Variants in CCDC73 observed in about 807,000 individuals in gnomAD.
The protein encoded by CCDC73 is coiled-coil domain-containing protein 73.
Under a neutral mutation model 116.5 loss-of-function variants are expected in CCDC73, and 95 were observed. The ratio of observed to expected loss-of-function variants is 0.82; its 90% CI spans 0.69 to 0.97. CCDC73 has a LOEUF of 0.97. Ranked by LOEUF, CCDC73 falls within the 50% of genes least tolerant of loss-of-function variation. The pLI is 0.00. For missense variants in CCDC73, 1,066 were observed against 1,206.8 expected (o/e 0.88, Z 1.73); for synonymous variants, 398 against 401.3 (o/e 0.99, Z 0.10).
At chr11:32,764,360 AGT>A (rs1220610581) in intron 1 of CCDC73, among the ~76,000 whole-genome samples, 22 of 152,350 alleles carry the variant, frequency 1.4e-4, no homozygotes, top group South Asian at 1.0e-3. Context: ...GGGCAGCCAG[AGT>A]AAAACGTCGG....
At chr11:32,756,682 A>T (rs1045093077) in intron 2 of CCDC73, among the ~76,000 whole-genome samples, 14 of 151,910 alleles carry the variant, frequency 9.2e-5, no homozygotes, top group African/African-American at 3.4e-4. Flanking sequence ...TCCGAACGAT[A>T]CAAGGACCTA....
the CCDC73 span, among the ~76,000 whole-genome samples, chr11:32,801,056 A>G: frequency 4.6e-5 from 7 of 152,314 alleles, no homozygotes; most frequent in African/African-American, 1.4e-4. Context: ...CTCCATCCTC[A>G]TATAGGCAGC....
chr11:32,783,841 G>A (rs1189173474), intron 1 of CCDC73, among the ~76,000 whole-genome samples: 2 of 152,168 alleles, frequency 1.3e-5, no homozygotes, highest in East Asian at 3.9e-4. Context: ...AGGAACCCTA[G>A]CACGGTGGAG....
chr11:32,686,157 T>C (rs114858618), intron 6 of CCDC73, among the ~76,000 whole-genome samples: 1,814 of 127,242 alleles, frequency 0.014, 49 homozygotes, highest in African/African-American at 0.052. Flanking sequence ...AGGGTGTTAG[T>C]AGTGGATGAA....
intron 9 of CCDC73, among the ~76,000 whole-genome samples, chr11:32,659,033 A>C (rs1247717134): frequency 6.6e-6 from 1 of 152,226 alleles, no homozygotes; most frequent in African/African-American, 2.4e-5. Flanking sequence ...TCAAAAGCTA[A>C]AAAAATACAA....
intron 12 of CCDC73, 32 bp from the exon 13 acceptor site, chr11:32,642,114 CAATACCACATT>C (rs1271857915): frequency 6.7e-7 from 1 of 1,499,428 alleles, no homozygotes; most frequent in East Asian, 2.5e-5. Flanking sequence ...AAAAAATAAT[CAATACCACATT>C]AATGAATTCT....
intron 14 of CCDC73, among the ~76,000 whole-genome samples, chr11:32,621,392 C>A (rs192958561): frequency 6.6e-6 from 1 of 152,002 alleles, no homozygotes; most frequent in Non-Finnish European, 1.5e-5. Flanking sequence ...ACCTGATCTT[C>A]GACAAACCTG....
chr11:32,652,481 C>G (rs757509575), intron 12 of CCDC73, among the ~76,000 whole-genome samples: 7 of 152,166 alleles, frequency 4.6e-5, no homozygotes, highest in Non-Finnish European at 7.4e-5. Flanking sequence ...GCAGTCTCCC[C>G]TTCTTGTATC....
rs189136305 is a variant in CCDC73 at position 32,635,835 on chromosome 11, T to C, written c.1051-5A>G. ...TTCTCCATTAAGTTCTTCAGCCTAT[T>C]ATAAAAAAGGAACCAGAATAAACAA... is the stretch of plus-strand genomic sequence containing the variant. On this transcript the variant is annotated splice_polypyrimidine_tract_variant and splice_region_variant and intron_variant, in intron 13 of 17. Coordinates refer to ENST00000335185, the MANE Select transcript of CCDC73 (RefSeq NM_001008391.4). The C allele has an allele frequency of 4.9e-5, 56 of 1,137,360 alleles. No individual in the cohort carries two copies. In the African/African-American group the frequency reaches 8.2e-4, roughly 17 times the overall value. 70.5% of individuals were successfully genotyped at this position (1,137,360 alleles called of 1,614,324 possible).
intron 7 of CCDC73, chr11:32,681,387 T>C (rs1433682255): frequency 6.6e-6 from 1 of 152,000 alleles, no homozygotes; most frequent in African/African-American, 2.4e-5. Context: ...CTCTCACATG[T>C]TTTTATTGCA....
In CCDC73 at chr11:32,720,097, A is replaced by G. The variant is rs578146709; in HGVS notation, c.136-1950T>C. 2.0e-5 allele frequency among the ~76,000 whole-genome samples: 3 copies of G among 152,278 alleles called. No homozygotes were observed. In the South Asian group the frequency reaches 6.2e-4, roughly 32 times the overall value. On this transcript the variant is annotated intron_variant, in intron 2 of 17. Transcript: ENST00000335185. ...CCAATACCAAAGACAGCACAAAGGG[A>G]ATACTCTGACCAATACTTCTCACAA... is the stretch of plus-strand genomic sequence containing the variant.
the CCDC73 span, among the ~76,000 whole-genome samples, chr11:32,824,335 A>G: frequency 6.6e-6 from 1 of 152,294 alleles, no homozygotes; most frequent in African/African-American, 2.4e-5. Flanking sequence ...TATATGATTG[A>G]TTGCCTTTTA....
chr11:32,608,970 ACACAG>A (rs1328741662), intron 17 of CCDC73, among the ~76,000 whole-genome samples: 1 of 152,156 alleles, frequency 6.6e-6, no homozygotes, highest in African/African-American at 2.4e-5. Context: ...CCTAAGCTGC[ACACAG>A]CACGGGGACC....
chr11:32,654,726 C>T (rs2133262896), intron 10 of CCDC73, 118 bp downstream of exon 10: 2 of 735,902 alleles, frequency 2.7e-6, no homozygotes, highest in South Asian at 2.4e-5. Flanking sequence ...ATTAATAATA[C>T]CTTTAACTAT....
At chr11:32,759,465 G>A (rs1379525445) in intron 2 of CCDC73, among the ~76,000 whole-genome samples, 1 of 151,588 alleles carries the variant, frequency 6.6e-6, no homozygotes, top group Non-Finnish European at 1.5e-5. Flanking sequence ...TGAGCAGCTG[G>A]GACTACAAGC....
intron 3 of CCDC73, among the ~76,000 whole-genome samples, chr11:32,709,299 T>G (rs966499535): frequency 6.7e-5 from 9 of 134,294 alleles, no homozygotes; most frequent in Admixed American, 2.4e-4. Flanking sequence ...GTTGGATTTG[T>G]TTTTTTTGTT....
chr11:32,822,806 A>G, the CCDC73 span, among the ~76,000 whole-genome samples: 1 of 152,146 alleles, frequency 6.6e-6, no homozygotes, highest in African/African-American at 2.4e-5. Context: ...AATAGGAAAA[A>G]GGGAACCTAC....
intron 2 of CCDC73, among the ~76,000 whole-genome samples, chr11:32,734,791 T>C (rs1448662630): frequency 2.6e-5 from 4 of 152,128 alleles, no homozygotes; most frequent in African/African-American, 7.2e-5. Context: ...GCAAACCGAA[T>C]CCAGCAGCAC....
intron 2 of CCDC73, among the ~76,000 whole-genome samples, chr11:32,730,843 T>C (rs1565086923): frequency 6.6e-6 from 1 of 152,228 alleles, no homozygotes; most frequent in Non-Finnish European, 1.5e-5. Flanking sequence ...GCTCCTAGCA[T>C]GAGCGATGCA....
Sources: allele counts gnomAD v4.1 joint callset (sites outside exome capture counted in the v4.1 genomes callset), GRCh38; gene constraint gnomAD v4.1.1; transcripts MANE v1.5; gene names NCBI Gene and HGNC (gene_info 2026-07-23, HGNC 2026-07-21).